The following TTC4 variants were observed in gnomAD, a reference collection of about 807,000 sequenced individuals.
TTC4 encodes the protein hsp70/Hsp90 co-chaperone CNS1 homolog.
A neutral mutation model predicts 51.9 loss-of-function variants in TTC4; 36 were observed. The ratio of observed to expected loss-of-function variants is 0.69; its 90% CI spans 0.53 to 0.92. The LOEUF (loss-of-function observed/expected upper bound fraction) is 0.92. Ranked by LOEUF, TTC4 falls within the 40% of genes least tolerant of loss-of-function variation. The pLI, the probability that TTC4 is intolerant of heterozygous loss-of-function variation, is 0.00. For synonymous variants in TTC4, 144 were observed against 164.2 expected, an observed-to-expected ratio of 0.88 and a Z score of 0.94; for missense variants, 399 against 454.6, an observed-to-expected ratio of 0.88 and a Z score of 1.11.
chr1:54,717,568 C>A lies in TTC4; in HGVS notation c.306C>A (p.Tyr102Ter). Residue 102 changes from tyrosine (Y) to a stop codon, truncating the protein, a stop_gained, in exon 3 of 10, where the codon TAC becomes TAA. Transcript: ENST00000371281. LOFTEE classifies it high-confidence loss of function. ...ACTACAAGAAAGCTGTAATTTCATA[C>A]ACTGAAGGCTTAAAGAAGAAATGTG... ...EKDYKKAVIS[Y>*]TEGLKKKCAD... 2 of 1,611,676 alleles carry A rather than the reference C, an allele frequency of 1.2e-6. No individual in the cohort carries two copies. The highest frequency in any genetic ancestry group is 1.7e-6 in the Non-Finnish European group (2 of 1,179,132).
At position 54,741,695 on chromosome 1, in the gene TTC4, G is replaced by A; in HGVS notation, c.*182G>A. ...TCCCTAAACTGCAGCCTCTCTGGCT[G>A]GTCTTCACTTTCCTCAGTTGATATA... On this transcript the variant is annotated 3_prime_UTR_variant, in exon 10 of 10. Coordinates refer to ENST00000371281, the MANE Select transcript of TTC4 (RefSeq NM_004623.5). 1.6e-6 allele frequency: 1 copy of A among 606,294 alleles called. No individual in the cohort carries two copies. The highest frequency in any genetic ancestry group is 2.0e-5 in the South Asian group (1 of 49,526). The allele number at this position is 606,294 out of a possible 1,614,324, so 37.6% of individuals were successfully genotyped here. A position where few individuals can be genotyped will look rare whatever the true frequency, so the allele number is the denominator to read the frequency against.
chr1:54,716,784 C>T (rs1645682069), intron 2 of TTC4, 67 bp downstream of exon 2: 6 of 1,271,986 alleles, frequency 4.7e-6, no homozygotes, highest in Non-Finnish European at 3.3e-6. Context: ...GGGTTAGAAG[C>T]GTTCTGATTG....
intron 3 of TTC4, among the ~76,000 whole-genome samples, chr1:54,718,101 T>C (rs889994293): frequency 6.6e-6 from 1 of 152,096 alleles, no homozygotes; most frequent in African/African-American, 2.4e-5. Context: ...TATTTTTTGG[T>C]TGGGTGCAGT....
intron 8 of TTC4, among the ~76,000 whole-genome samples, chr1:54,736,155 A>C (rs193113494): frequency 0.015 from 1,965 of 129,098 alleles, 128 homozygotes; most frequent in African/African-American, 0.061. Flanking sequence ...TTGGGGGAGA[A>C]AGAGAGAGAA....
intron 7 of TTC4, among the ~76,000 whole-genome samples, chr1:54,732,813 T>C (rs74193428): frequency 0.12 from 18,023 of 151,012 alleles, 1,789 homozygotes; most frequent in African/African-American, 0.26. Context: ...CAGCTGGGCA[T>C]GGTGGCTCAT....
At chr1:54,728,221 C>T (rs1036919916) in intron 5 of TTC4, 125 bp from the exon 6 acceptor site, 1 of 752,784 alleles carries the variant, frequency 1.3e-6, no homozygotes. Context: ...AATCTGGCCA[C>T]TGGTATTCCT....
At chr1:54,719,330 G>A (rs1645715680) in intron 3 of TTC4, among the ~76,000 whole-genome samples, 1 of 148,888 alleles carries the variant, frequency 6.7e-6, no homozygotes. Context: ...GTGCAGCTTG[G>A]TAGCTTTTGT....
intron 1 of TTC4, chr1:54,716,264 C>T (rs560438391): frequency 1.7e-5 from 9 of 544,606 alleles, no homozygotes; most frequent in South Asian, 1.6e-4. Context: ...AGTTACTTAA[C>T]TTCTCAGAGT....
At chr1:54,731,459 G>C (rs1424092643) in intron 6 of TTC4, 27 bp from the exon 7 acceptor site, 5 of 1,591,680 alleles carry the variant, frequency 3.1e-6, no homozygotes, top group Non-Finnish European at 4.3e-6. Flanking sequence ...TGTGCATTAT[G>C]TGTGTGTGTT....
intron 3 of TTC4, among the ~76,000 whole-genome samples, chr1:54,718,502 C>T (rs141212550): frequency 0.017 from 2,575 of 152,182 alleles, 40 homozygotes; most frequent in African/African-American, 0.031. Context: ...CCGCCTCAGC[C>T]TCCCAAAGTA....
chr1:54,722,049 C>G (rs542509141), intron 4 of TTC4, among the ~76,000 whole-genome samples: 17 of 152,202 alleles, frequency 1.1e-4, no homozygotes, highest in African/African-American at 4.1e-4. Flanking sequence ...GGCATCTAAG[C>G]CCTTACAATG....
chr1:54,739,245 C>T (rs2101373410), intron 9 of TTC4, among the ~76,000 whole-genome samples: 1 of 152,046 alleles, frequency 6.6e-6, no homozygotes, highest in South Asian at 2.1e-4. Context: ...GAACTGGGTT[C>T]AAGCAGTCCT....
intron 8 of TTC4, among the ~76,000 whole-genome samples, chr1:54,733,974 T>A (rs1309066951): frequency 2.0e-5 from 3 of 152,208 alleles, no homozygotes; most frequent in South Asian, 2.1e-4. Context: ...TTCATATAAG[T>A]GGAATCATAC....
At chr1:54,736,171 GAAAGGAGAGAGAGA>G (rs1645930290) in intron 8 of TTC4, among the ~76,000 whole-genome samples, 1 of 108,030 alleles carries the variant, frequency 9.3e-6, no homozygotes, top group African/African-American at 4.7e-5. Flanking sequence ...GAGAAAGAAA[GAAAGGAGAGAGAGA>G]GAGAGAGAGA....
chr1:54,737,602 C>T lies in TTC4; in HGVS notation c.999C>T (p.Asp333=), dbSNP rs377002578. ...DNLEVYFEDE[D]RAELYRVPAK... ...TGCAGGTCTACTTTGAGGATGAGGA[C>T]AGGGCAGAACTATACCGGGTGCCTG... Residue 333 remains aspartate (D), a synonymous_variant, in exon 9 of 10, where the codon GAC becomes GAT. Coordinates refer to ENST00000371281, the MANE Select transcript of TTC4 (RefSeq NM_004623.5). The T allele has an allele frequency of 1.2e-5, 20 of 1,613,702 alleles. No homozygotes were observed. Among genetic ancestry groups the T allele is most frequent in the Non-Finnish European group, 1.6e-5 (19 of 1,180,002 alleles).
chr1:54,739,975 C>T (rs1479730779), intron 9 of TTC4, among the ~76,000 whole-genome samples: 1 of 152,184 alleles, frequency 6.6e-6, no homozygotes, highest in Non-Finnish European at 1.5e-5. Flanking sequence ...CACCTGAGCT[C>T]AGAAGTTAGA....
chr1:54,729,783 G>T (rs1035739522), intron 6 of TTC4, among the ~76,000 whole-genome samples: 5 of 151,768 alleles, frequency 3.3e-5, no homozygotes, highest in South Asian at 2.1e-4. Context: ...GAGTGCAGTG[G>T]TGCAATCTCG....
chr1:54,736,175 GGAGAGAGAGAGAGAGA>G lies in TTC4; in HGVS notation c.979-1374_979-1359del, dbSNP rs11292044. ...GGAGAAAGAGAGAGAAAGAAAGAAAGGAGAGAGAGAGAGAGAGAGAGAGAGAGAGAGAGAGAGAGAG... is the reference window on the plus strand; with the variant it reads ...GGAGAAAGAGAGAGAAAGAAAGAAAGGAGAGAGAGAGAGAGAGAGAGAGAG... On this transcript the variant is annotated intron_variant, in intron 8 of 9. Coordinates refer to ENST00000371281, the MANE Select transcript of TTC4 (RefSeq NM_004623.5). 6.2e-3 allele frequency among the ~76,000 whole-genome samples: 623 copies of G among 100,670 alleles called. 14 individuals carry two copies. Among genetic ancestry groups the G allele is most frequent in the East Asian group, 0.013 (50 of 3,802 alleles). The allele number at this position is 100,670 out of a possible 152,430, so 66.0% of individuals were successfully genotyped here.
At chr1:54,724,552 C>A (rs957234865) in intron 5 of TTC4, among the ~76,000 whole-genome samples, 1 of 152,132 alleles carries the variant, frequency 6.6e-6, no homozygotes, top group Non-Finnish European at 1.5e-5. Context: ...GAATTACAGG[C>A]ATGAGCCACT....
Sources: gnomAD v4.1 joint callset for allele counts (sites outside exome capture counted in the v4.1 genomes callset) on GRCh38, gnomAD v4.1.1 for gene constraint, MANE v1.5 for transcripts, NCBI Gene and HGNC (gene_info 2026-07-23, HGNC 2026-07-21) for gene names.